LAS1L: variants seen among roughly 807,000 people sequenced by gnomAD.
The protein encoded by LAS1L is ribosomal biogenesis protein LAS1L.
A neutral mutation model predicts 57.3 loss-of-function variants in LAS1L; 5 were observed. The ratio of observed to expected loss-of-function variants is 0.09; its 90% CI spans 0.05 to 0.18. The LOEUF is 0.18. Among genes scored for constraint, LAS1L ranks in the 10% least tolerant of loss-of-function variants. LAS1L has a pLI of 1.00. For missense variants in LAS1L, 360 were observed against 568.3 expected (o/e 0.63, Z 3.73); for synonymous variants, 245 against 231.7 (o/e 1.06, Z -0.52).
At chrX:65,514,622 G>C (rs1487601445) in intron 13 of LAS1L, among the ~76,000 whole-genome samples, 1 of 109,549 alleles carries the variant, frequency 9.1e-6, no homozygotes, top group Non-Finnish European at 1.9e-5. Flanking sequence ...AAGCCCAGCT[G>C]TGTGTGGCTA....
intron 7 of LAS1L, among the ~76,000 whole-genome samples, chrX:65,526,249 A>G (rs1370739382): frequency 9.0e-6 from 1 of 111,661 alleles, no homozygotes; most frequent in Admixed American, 9.5e-5. Context: ...AGCCTCAGGT[A>G]TTCCTTTATA....
chrX:65,515,353 C>T (rs966597581), intron 12 of LAS1L, among the ~76,000 whole-genome samples: 2 of 110,854 alleles, frequency 1.8e-5, no homozygotes, highest in Non-Finnish European at 1.9e-5. Context: ...TGTAGACACA[C>T]ACACAGGGAC....
chrX:65,529,449 G>C, intron 5 of LAS1L, 145 bp downstream of exon 5: 1 of 740,663 alleles, frequency 1.4e-6, no homozygotes, highest in Non-Finnish European at 1.9e-6. Flanking sequence ...AAACTAGCCA[G>C]GAGGATGGTT....
At chrX:65,529,005 C>T (rs1015969143) in intron 6 of LAS1L, among the ~76,000 whole-genome samples, 2 of 112,232 alleles carry the variant, frequency 1.8e-5, no homozygotes, top group African/African-American at 6.5e-5. Flanking sequence ...ATCATCTGTT[C>T]CCTTCCATCG....
In LAS1L at chrX:65,534,724, C is replaced by T; in HGVS notation, c.-9G>A. The T allele has an allele frequency of 8.8e-7, 1 of 1,140,324 alleles. No homozygotes were observed. Among genetic ancestry groups the T allele is most frequent in the Non-Finnish European group, 1.2e-6 (1 of 848,553 alleles). The allele number at this position is 1,140,324 out of a possible 1,213,427, so 94.0% of individuals were successfully genotyped here. A position where few individuals can be genotyped will look rare whatever the true frequency, so the allele number is the denominator to read the frequency against. On this transcript the variant is annotated 5_prime_UTR_variant, in exon 1 of 14. Coordinates refer to ENST00000374811, the MANE Select transcript of LAS1L (RefSeq NM_031206.7). Reference sequence around the variant, plus strand: ...CCGGATTCCCACGACATACTGAGCTCAACAACAGGCTCTGTGCCGCGCCGC... The same window carrying T: ...CCGGATTCCCACGACATACTGAGCTTAACAACAGGCTCTGTGCCGCGCCGC...
At chrX:65,523,408 C>G in intron 11 of LAS1L, 152 bp downstream of exon 11, 5 of 534,939 alleles carry the variant, frequency 9.3e-6, no homozygotes, top group Non-Finnish European at 1.4e-5. Context: ...TACCCCTCCC[C>G]TCTCTGGACT....
intron 9 of LAS1L, 103 bp downstream of exon 9, chrX:65,524,461 G>A: frequency 8.0e-6 from 4 of 498,959 alleles, no homozygotes; most frequent in Middle Eastern, 3.9e-4. Flanking sequence ...AGAACAGTGG[G>A]GAGAGAGAAA....
At chrX:65,517,149 T>C (rs1306290405) in intron 12 of LAS1L, among the ~76,000 whole-genome samples, 1 of 111,984 alleles carries the variant, frequency 8.9e-6, no homozygotes, top group Non-Finnish European at 1.9e-5. Context: ...CACTAATTTG[T>C]GTGCTCACCT....
rs1197851281 is a variant in LAS1L, at chrX:65,526,936, G to A, written c.956+1324C>T. On this transcript the variant is annotated intron_variant, in intron 7 of 13. Coordinates refer to ENST00000374811, the MANE Select transcript of LAS1L (RefSeq NM_031206.7). ...AGTTCAAAAGAAAACACCAGGACGG[G>A]CGTGGTGGCTCACATCTGTAATCCC... is the stretch of plus-strand genomic sequence containing the variant. Among the ~76,000 whole-genome samples, 3 of 110,754 alleles carry A rather than the reference G, an allele frequency of 2.7e-5. No individual in the cohort carries two copies. In the East Asian group the frequency reaches 8.5e-4, roughly 31 times the overall value.
intron 11 of LAS1L, chrX:65,520,644 T>G (rs1360670464): frequency 1.3e-5 from 10 of 752,627 alleles, no homozygotes; most frequent in Non-Finnish European, 1.6e-5. Context: ...ACGGGGTGAT[T>G]AGGACTAGAT....
At chrX:65,521,072 T>C in intron 11 of LAS1L, 2 of 751,496 alleles carry the variant, frequency 2.7e-6, no homozygotes, top group Non-Finnish European at 3.1e-6. Flanking sequence ...GCAATGTGGC[T>C]GTTCAGTTCC....
Position 65,532,596 on chromosome X carries a change from A to T in LAS1L, c.397T>A (p.Phe133Ile). Residue 133 changes from phenylalanine to isoleucine, a missense_variant, in exon 3 of 14, where the codon TTT (phenylalanine) becomes ATT (isoleucine). This residue lies in a region of LAS1L where 43 missense variants were observed against 78.0 expected (regional missense o/e 0.55). Coordinates refer to ENST00000374811, the MANE Select transcript of LAS1L (RefSeq NM_031206.7). ...AGACACTTGAGGGGGACCTTGGCAA[A>T]CTTTGTCTTCCTCTCTGAGATAAGA... ...VNLISERKTK[F>I]AKVPLKCLAQ... is the part of the protein sequence containing the mutation. The T allele has an allele frequency of 8.3e-7, 1 of 1,209,204 alleles. No individual in the cohort carries two copies. The highest frequency in any genetic ancestry group is 1.1e-6 in the Non-Finnish European group (1 of 892,796).
chrX:65,520,816 C>A (rs2068819241), intron 11 of LAS1L: 1 of 752,397 alleles, frequency 1.3e-6, no homozygotes. Context: ...ACTCTGCAGG[C>A]ACTTAGGATT....
At chrX:65,529,907 A>T in intron 4 of LAS1L, 29 bp from the exon 5 acceptor site, 1 of 1,186,977 alleles carries the variant, frequency 8.4e-7, no homozygotes, top group African/African-American at 1.7e-5. Flanking sequence ...GCAGTGCCAC[A>T]GGATCAGGCA....
In LAS1L at chrX:65,518,426, C is replaced by T; in HGVS notation, c.1488G>A (p.Glu496=). Residue 496 remains glutamate (E), a synonymous_variant, in exon 12 of 14, where the codon GAG becomes GAA. Coordinates refer to ENST00000374811, the MANE Select transcript of LAS1L (RefSeq NM_031206.7). The stretch of plus-strand genomic sequence containing the variant: ...AACAGATGCGCAGCAGCTTCTCCTG[C>T]TCCTCGTCTGGCAGGCCCTGCCCCA... ...KAMGQGLPDE[E]QEKLLRICSI... The T allele has an allele frequency of 1.7e-6, 2 of 1,209,169 alleles. No individual in the cohort carries two copies. The highest frequency in any genetic ancestry group is 2.2e-6 in the Non-Finnish European group (2 of 893,936).
In LAS1L at chrX:65,534,787, C is replaced by A; in HGVS notation, c.-72G>T. The stretch of plus-strand genomic sequence containing the variant: ...TCAGCTCAGCGTGCTACCCTCACTC[C>A]GAACCGCCACCGCACCAGCAGCCAA... On this transcript the variant is annotated 5_prime_UTR_variant, in exon 1 of 14. Transcript: ENST00000374811. The A allele has an allele frequency of 1.2e-6, 1 of 851,472 alleles. No individual in the cohort carries two copies. The highest frequency in any genetic ancestry group is 1.7e-6 in the Non-Finnish European group (1 of 600,801). 70.2% of individuals were successfully genotyped at this position (851,472 alleles called of 1,213,427 possible).
At chrX:65,528,157 T>G in intron 7 of LAS1L, 103 bp downstream of exon 7, 1 of 509,590 alleles carries the variant, frequency 2.0e-6, no homozygotes. Flanking sequence ...CCTGGGATTT[T>G]GTACAGCAGA....
chrX:65,519,455 G>A (rs1034041685), intron 11 of LAS1L, among the ~76,000 whole-genome samples: 3 of 112,035 alleles, frequency 2.7e-5, no homozygotes, highest in Admixed American at 9.4e-5. Flanking sequence ...GAGTCGGGGA[G>A]GGCTGACCTG....
At chrX:65,533,434 G>A (rs761865443) in intron 2 of LAS1L, among the ~76,000 whole-genome samples, 176 bp downstream of exon 2, 1 of 110,800 alleles carries the variant, frequency 9.0e-6, no homozygotes, top group African/African-American at 3.3e-5. Context: ...AGAGGAATGC[G>A]TTGACGAGGG....
Sources: allele counts gnomAD v4.1 joint callset (sites outside exome capture counted in the v4.1 genomes callset), GRCh38; gene constraint gnomAD v4.1.1; regional missense constraint gnomAD v4.1.1; transcripts MANE v1.5; gene names NCBI Gene and HGNC (gene_info 2026-07-23, HGNC 2026-07-21).